The following FSTL5 variants were observed in gnomAD, a reference collection of about 807,000 sequenced individuals.
FSTL5 encodes follistatin-related protein 5.
A neutral mutation model predicts 89.1 loss-of-function variants in FSTL5; 62 were observed. That is an observed-to-expected ratio of 0.70 (90% CI 0.57 to 0.86). The LOEUF is 0.86. Ranked by LOEUF, FSTL5 falls within the 40% of genes least tolerant of loss-of-function variation. FSTL5 has a pLI of 0.00. For synonymous variants in FSTL5, 383 were observed against 346.2 expected (o/e 1.11, Z -1.18); for missense variants, 1,057 against 1,001.6 (o/e 1.06, Z -0.75).
At position 161,615,293 on chromosome 4, in the gene FSTL5, C is replaced by CAAAAAAAAAA. The variant is rs1203046031; in HGVS notation, c.895-27728_895-27719dup. On this transcript the variant is annotated intron_variant, in intron 7 of 15. Transcript: ENST00000306100. ...TGGGCAACAGAGGGAGACTCTGTCT[C>CAAAAAAAAAA]AAAAAAAAAAAAAAAAAAAAAAATT... is the stretch of plus-strand genomic sequence containing the variant. 4.4e-3 allele frequency among the ~76,000 whole-genome samples: 115 copies of CAAAAAAAAAA among 26,422 alleles called. 10 individuals are homozygous for CAAAAAAAAAA. Among genetic ancestry groups the CAAAAAAAAAA allele is most frequent in the African/African-American group, 0.016 (109 of 6,990 alleles). 17.3% of individuals were successfully genotyped at this position (26,422 alleles called of 152,430 possible).
chr4:161,807,196 T>TAC (rs10561299), intron 4 of FSTL5, among the ~76,000 whole-genome samples: 21,858 of 146,408 alleles, frequency 0.15, 1,545 homozygotes, highest in East Asian at 0.21. Context: ...CACATGAGAA[T>TAC]ACACACACAC....
At chr4:161,460,787 C>T (rs1466814773) in intron 13 of FSTL5, among the ~76,000 whole-genome samples, 3 of 151,982 alleles carry the variant, frequency 2.0e-5, no homozygotes, top group Non-Finnish European at 4.4e-5. Context: ...AAGAGAGTCA[C>T]TATACTGTTT....
At chr4:161,484,148 C>T (rs190612421) in intron 12 of FSTL5, among the ~76,000 whole-genome samples, 1 of 152,246 alleles carries the variant, frequency 6.6e-6, no homozygotes, top group East Asian at 1.9e-4. Context: ...CACTTGTCTT[C>T]TACTAGGATG....
intron 4 of FSTL5, among the ~76,000 whole-genome samples, chr4:161,875,592 G>C (rs910276458): frequency 6.6e-6 from 1 of 152,158 alleles, no homozygotes; most frequent in Admixed American, 6.5e-5. Flanking sequence ...CACTGGTCGG[G>C]TCCGCTCGCA....
intron 6 of FSTL5, among the ~76,000 whole-genome samples, chr4:161,745,921 C>T (rs909842633): frequency 6.6e-6 from 1 of 152,034 alleles, no homozygotes; most frequent in Non-Finnish European, 1.5e-5. Context: ...GCTCAACTAA[C>T]TTTGATATTC....
At chr4:161,886,448 C>T (rs1245977641) in intron 4 of FSTL5, among the ~76,000 whole-genome samples, 1 of 152,090 alleles carries the variant, frequency 6.6e-6, no homozygotes, top group Non-Finnish European at 1.5e-5. Flanking sequence ...GCTAGATGAC[C>T]AGCACTCTCC....
intron 4 of FSTL5, among the ~76,000 whole-genome samples, chr4:161,904,537 G>A (rs1247061951): frequency 6.6e-6 from 1 of 151,864 alleles, no homozygotes; most frequent in African/African-American, 2.4e-5. Context: ...CACACTGGAA[G>A]TGTACAATTT....
chr4:161,512,378 A>T (rs1730679948), intron 10 of FSTL5, among the ~76,000 whole-genome samples: 1 of 152,086 alleles, frequency 6.6e-6, no homozygotes, highest in Admixed American at 6.6e-5. Context: ...TAATCAAATG[A>T]TGACAGAAAA....
chr4:161,704,545 T>C (rs950654258), intron 6 of FSTL5, among the ~76,000 whole-genome samples: 1 of 152,154 alleles, frequency 6.6e-6, no homozygotes, highest in Admixed American at 6.6e-5. Flanking sequence ...CAAAGTTTGA[T>C]CACAAACAAG....
intron 6 of FSTL5, among the ~76,000 whole-genome samples, chr4:161,749,897 C>T (rs1740337020): frequency 6.6e-6 from 1 of 151,920 alleles, no homozygotes; most frequent in Non-Finnish European, 1.5e-5. Context: ...TGAAAAATTA[C>T]TTATTTGGTA....
chr4:161,948,485 C>CCTTT (rs1734799231), intron 3 of FSTL5, among the ~76,000 whole-genome samples: 1 of 114,114 alleles, frequency 8.8e-6, no homozygotes, highest in Non-Finnish European at 1.7e-5. Flanking sequence ...TCTTTTCTTT[C>CCTTT]TTTTTTTTTT....
Position 162,128,866 on chromosome 4 carries a change from T to C in FSTL5, c.-16-17454A>G, listed in dbSNP as rs186463829. 9.9e-4 allele frequency among the ~76,000 whole-genome samples: 150 copies of C among 152,232 alleles called. 1 individual carries two copies. In the Middle Eastern group the frequency reaches 0.01, roughly 10 times the overall value. ...TCATATAAAAAATATTGGTCACATA[T>C]TGGCAGCATGTTATCCCAAGTTAAT... On this transcript the variant is annotated intron_variant, in intron 1 of 15. Coordinates refer to ENST00000306100, the MANE Select transcript of FSTL5 (RefSeq NM_020116.5).
At position 161,606,998 on chromosome 4, in the gene FSTL5, C is replaced by T. The variant is rs190550431; in HGVS notation, c.895-19423G>A. 1.6e-3 allele frequency among the ~76,000 whole-genome samples: 250 copies of T among 152,168 alleles called. 1 individual carries two copies. The highest frequency in any genetic ancestry group is 5.8e-3 in the African/African-American group (239 of 41,512). On this transcript the variant is annotated intron_variant, in intron 7 of 15. Transcript: ENST00000306100. ...TATTCGATTTCCTCATTAGGAGAGG[C>T]TGCAAGGGTGAAATGAAATGATTTG...
intron 3 of FSTL5, among the ~76,000 whole-genome samples, chr4:161,955,519 T>C (rs931827797): frequency 6.6e-6 from 1 of 151,778 alleles, no homozygotes; most frequent in Admixed American, 6.6e-5. Context: ...ATGCAGAAAC[T>C]CAACAGAAGA....
rs377060316 is a variant in FSTL5 at position 161,440,784 on chromosome 4, G to T, written c.1841+14220C>A. 1.9e-3 allele frequency among the ~76,000 whole-genome samples: 294 copies of T among 152,206 alleles called. 1 individual carries two copies. The highest frequency in any genetic ancestry group is 6.8e-3 in the African/African-American group (281 of 41,556). ...AGTTATGATTTCAACCCTCGATGCT[G>T]TTTTTCCTCAAAGTGCTGAGATAAA... On this transcript the variant is annotated intron_variant, in intron 15 of 15. Transcript: ENST00000306100.
chr4:161,905,360 T>C (rs1449055076), intron 4 of FSTL5, among the ~76,000 whole-genome samples: 1 of 152,160 alleles, frequency 6.6e-6, no homozygotes, highest in Non-Finnish European at 1.5e-5. Context: ...ACTTCTGTGC[T>C]TACCTAGAGA....
At chr4:161,544,775 T>C (rs1445428906) in intron 8 of FSTL5, among the ~76,000 whole-genome samples, 1 of 151,946 alleles carries the variant, frequency 6.6e-6, no homozygotes, top group Non-Finnish European at 1.5e-5. Flanking sequence ...ATAAAGTATA[T>C]TACTAAGAGA....
chr4:162,072,991 C>T (rs1428347834), intron 2 of FSTL5, among the ~76,000 whole-genome samples: 1 of 151,758 alleles, frequency 6.6e-6, no homozygotes, highest in African/African-American at 2.4e-5. Flanking sequence ...GAGGCACTGA[C>T]TCTTCTTGGG....
At chr4:161,439,231 C>T (rs192966162) in intron 15 of FSTL5, among the ~76,000 whole-genome samples, 3 of 152,310 alleles carry the variant, frequency 2.0e-5, no homozygotes, top group Admixed American at 6.5e-5. Context: ...ATAATAGTTT[C>T]AACATGCCTC....
Sources: allele counts gnomAD v4.1 joint callset (sites outside exome capture counted in the v4.1 genomes callset), GRCh38; gene constraint gnomAD v4.1.1; transcripts MANE v1.5; gene names NCBI Gene and HGNC (gene_info 2026-07-23, HGNC 2026-07-21).